The following ODAD3 variants were observed in gnomAD, a reference collection of about 807,000 sequenced individuals.
ODAD3 encodes the protein outer dynein arm-docking complex subunit 3.
In ODAD3, 57 loss-of-function variants were observed where a neutral mutation model predicts 70.9. The observed-to-expected ratio is 0.80, with a 90% CI of 0.65 to 1.00. ODAD3 has a LOEUF of 1.00. Among genes scored for constraint, ODAD3 ranks in the 50% least tolerant of loss-of-function variants. The pLI is 0.00. For synonymous variants in ODAD3, 327 were observed against 315.9 expected, an observed-to-expected ratio of 1.04 and a Z score of -0.37; for missense variants, 797 against 763.9, an observed-to-expected ratio of 1.04 and a Z score of -0.51.
At chr19:11,427,380 C>T (rs1486710584) in intron 3 of ODAD3, among the ~76,000 whole-genome samples, 1 of 151,794 alleles carries the variant, frequency 6.6e-6, no homozygotes, top group African/African-American at 2.4e-5. Context: ...CTGCAACCTC[C>T]TCCTCCTGGG....
chr19:11,427,318 G>A lies in ODAD3; in HGVS notation c.445-278C>T, dbSNP rs112322392. On this transcript the variant is annotated intron_variant, in intron 3 of 12. Coordinates refer to ENST00000356392, the MANE Select transcript of ODAD3 (RefSeq NM_145045.5). ...TTCTTTCGTTTTTTTTTTTTTAGACGGAGTCTTGCTCTGACACCCAGGCTG... is the reference window on the plus strand; with the variant it reads ...TTCTTTCGTTTTTTTTTTTTTAGACAGAGTCTTGCTCTGACACCCAGGCTG... 6.6e-3 allele frequency among the ~76,000 whole-genome samples: 992 copies of A among 149,396 alleles called. 13 individuals carry two copies. The highest frequency in any genetic ancestry group is 0.023 in the African/African-American group (936 of 40,660).
In ODAD3 at chr19:11,425,242, T is replaced by C. The variant is rs867964370; in HGVS notation, c.963+902A>G. Among the ~76,000 whole-genome samples the C allele has an allele frequency of 1.9e-4, 25 of 132,534 alleles. 4 individuals are homozygous for C. The highest frequency in any genetic ancestry group is 3.2e-4 in the African/African-American group (9 of 27,886). The allele number at this position is 132,534 out of a possible 152,430, so 86.9% of individuals were successfully genotyped here. A position where few individuals can be genotyped will look rare whatever the true frequency, so the allele number is the denominator to read the frequency against. ...ATATATGTGTGTATATGTACATATG[T>C]GTATATATGTATATGTACATATGTG... On this transcript the variant is annotated intron_variant, in intron 7 of 12. Coordinates refer to ENST00000356392, the MANE Select transcript of ODAD3 (RefSeq NM_145045.5).
rs1262628831 is a variant in ODAD3, at chr19:11,425,122, CATATGTGT to C, written c.963+1014_963+1021del. On this transcript the variant is annotated intron_variant, in intron 7 of 12. Transcript: ENST00000356392. ...ATATATGTATATATGTGTATATGTACATATGTGTATATGTGTATATGTACATATGTATA... is the reference window on the plus strand; with the variant it reads ...ATATATGTATATATGTGTATATGTACATATGTGTATATGTACATATGTATA... Among the ~76,000 whole-genome samples the C allele has an allele frequency of 4.3e-3, 496 of 116,590 alleles. 32 individuals carry two copies. Among genetic ancestry groups the C allele is most frequent in the East Asian group, 0.036 (144 of 4,016 alleles). 76.5% of individuals were successfully genotyped at this position (116,590 alleles called of 152,430 possible).
chr19:11,432,541 C>T (rs957910426), intron 1 of ODAD3, among the ~76,000 whole-genome samples: 4 of 152,044 alleles, frequency 2.6e-5, no homozygotes, highest in Non-Finnish European at 4.4e-5. Flanking sequence ...CCACTGTGCC[C>T]GGCCTGCCCA....
intron 7 of ODAD3, among the ~76,000 whole-genome samples, chr19:11,424,364 C>T (rs969806388): frequency 4.0e-5 from 6 of 151,478 alleles, no homozygotes; most frequent in Non-Finnish European, 5.9e-5. Context: ...ATTAGCAGGG[C>T]GTGGTGGGGC....
chr19:11,421,050 G>C, intron 12 of ODAD3, 78 bp downstream of exon 12: 3 of 1,582,630 alleles, frequency 1.9e-6, no homozygotes, highest in East Asian at 2.2e-5. Context: ...CCTTGGCCCT[G>C]AACAGGGTAT....
intron 7 of ODAD3, among the ~76,000 whole-genome samples, chr19:11,424,505 GTATATATGTATATATATGTATATATGTA>G (rs1406939520): frequency 2.9e-5 from 4 of 140,252 alleles, no homozygotes; most frequent in Non-Finnish European, 4.5e-5. Flanking sequence ...ATATATATAT[GTATATATGTATATATATGTATATATGTA>G]TATATGTGTA....
intron 8 of ODAD3, among the ~76,000 whole-genome samples, chr19:11,423,599 G>T (rs1969192090): frequency 6.6e-6 from 1 of 152,114 alleles, no homozygotes; most frequent in African/African-American, 2.4e-5. Context: ...GCATGGCAAA[G>T]GAGTTAGCAT....
rs772812620 is a variant in ODAD3 at position 11,420,801 on chromosome 19, C to T, written c.*34G>A. The T allele has an allele frequency of 1.3e-6, 2 of 1,584,698 alleles. No individual in the cohort carries two copies. The highest frequency in any genetic ancestry group is 1.7e-6 in the Non-Finnish European group (2 of 1,153,832). The stretch of plus-strand genomic sequence containing the variant: ...CTAGACCCGGAGGGATCGGGGGCTC[C>T]GAAGGGGGCCGCCTGGTGGGTGTCA... On this transcript the variant is annotated 3_prime_UTR_variant, in exon 13 of 13. Coordinates refer to ENST00000356392, the MANE Select transcript of ODAD3 (RefSeq NM_145045.5).
At chr19:11,428,591 C>T (rs1472842981) in intron 3 of ODAD3, among the ~76,000 whole-genome samples, 2 of 152,046 alleles carry the variant, frequency 1.3e-5, no homozygotes, top group African/African-American at 4.8e-5. Context: ...CTTTGTCACC[C>T]GGACGGGAGT....
At chr19:11,423,840 G>C (rs766359187) in intron 8 of ODAD3, 37 bp downstream of exon 8, 1 of 1,309,810 alleles carries the variant, frequency 7.6e-7, no homozygotes, top group East Asian at 2.8e-5. Flanking sequence ...TGGGGTGGGG[G>C]GGGGGCGCGG....
At chr19:11,435,299 G>A (rs914478446), upstream of ODAD3, 13 of 909,226 alleles carry the variant, frequency 1.4e-5, no homozygotes, top group East Asian at 3.6e-4. Flanking sequence ...GAGCCGCGCC[G>A]CAGGACGGAG....
At chr19:11,431,556 A>G (rs1969504030) in intron 1 of ODAD3, among the ~76,000 whole-genome samples, 1 of 151,440 alleles carries the variant, frequency 6.6e-6, no homozygotes. Context: ...TTTGGGAGGT[A>G]GAGGCGGGCG....
intron 7 of ODAD3, among the ~76,000 whole-genome samples, chr19:11,425,328 C>CATATGTGTATATATGTAT (rs1232995041): frequency 8.7e-6 from 1 of 114,488 alleles, no homozygotes; most frequent in South Asian, 2.7e-4. Context: ...TGTATATGTA[C>CATATGTGTATATATGTAT]ATATGTGTAT....
chr19:11,425,523 A>G (rs1969334383), intron 7 of ODAD3, among the ~76,000 whole-genome samples: 2 of 144,668 alleles, frequency 1.4e-5, no homozygotes, highest in Non-Finnish European at 3.0e-5. Flanking sequence ...ATATATGTAT[A>G]TATGTATATA....
chr19:11,420,774 C>T lies in ODAD3; in HGVS notation c.*61G>A. 1 of 1,479,496 alleles carries T rather than the reference C, an allele frequency of 6.8e-7. No homozygotes were observed. The highest frequency in any genetic ancestry group is 9.4e-7 in the Non-Finnish European group (1 of 1,060,478). 91.6% of individuals were successfully genotyped at this position (1,479,496 alleles called of 1,614,324 possible). A position where few individuals can be genotyped will look rare whatever the true frequency, so the allele number is the denominator to read the frequency against. ...CCCTGAAGGGGCCCCGTGGGGCCTG[C>T]GCTAGACCCGGAGGGATCGGGGGCT... On this transcript the variant is annotated 3_prime_UTR_variant, in exon 13 of 13. Coordinates refer to ENST00000356392, the MANE Select transcript of ODAD3 (RefSeq NM_145045.5).
intron 1 of ODAD3, among the ~76,000 whole-genome samples, chr19:11,431,721 T>C (rs1969507284): frequency 6.7e-6 from 1 of 149,512 alleles, no homozygotes; most frequent in East Asian, 2.0e-4. Flanking sequence ...GATCACGAGG[T>C]CAGGAGATCG....
At chr19:11,425,583 G>GCA (rs1568350450) in intron 7 of ODAD3, among the ~76,000 whole-genome samples, 5 of 128,752 alleles carry the variant, frequency 3.9e-5, no homozygotes, top group African/African-American at 1.7e-4. Flanking sequence ...ATGTATATAT[G>GCA]TATGTATATG....
At position 11,421,156 on chromosome 19, in the gene ODAD3, G is replaced by C; in HGVS notation, c.1647C>G (p.Pro549=). 1 of 1,613,704 alleles carries C rather than the reference G, an allele frequency of 6.2e-7. No homozygotes were observed. The highest frequency in any genetic ancestry group is 1.1e-5 in the South Asian group (1 of 91,056). The change falls in exon 12 of 13, where the codon CCC becomes CCG. Residue 549 remains proline, a synonymous_variant. Transcript: ENST00000356392. ...LPEYNTRIAL[P]LATSKDKFFD... is the part of the protein sequence containing the mutation. Reference sequence around the variant, plus strand: ...AAAACTTGTCCTTGGAAGTGGCAAGGGGCAGGGCGATGCGGGTGTTGTATT... The same window carrying C: ...AAAACTTGTCCTTGGAAGTGGCAAGCGGCAGGGCGATGCGGGTGTTGTATT...
Sources: gnomAD v4.1 joint callset for allele counts (sites outside exome capture counted in the v4.1 genomes callset) on GRCh38, gnomAD v4.1.1 for gene constraint, MANE v1.5 for transcripts, NCBI Gene and HGNC (gene_info 2026-07-23, HGNC 2026-07-21) for gene names.